Variants in USP7 observed in about 807,000 individuals in gnomAD.
The protein encoded by USP7 is ubiquitin specific peptidase 7, also known as ubiquitin C-terminal hydrolase 7.
Under a neutral mutation model 162.9 loss-of-function variants are expected in USP7, and 9 were observed. The observed-to-expected ratio is 0.06, with a 90% CI of 0.03 to 0.10. The LOEUF (loss-of-function observed/expected upper bound fraction) is 0.10. USP7 is among the 10% of genes least tolerant of loss of function. The pLI is 1.00. For missense variants in USP7, 715 were observed against 1,373.7 expected (o/e 0.52, Z 7.58); for synonymous variants, 562 against 475.9 (o/e 1.18, Z -2.35).
chr16:8,958,457 T>C (rs1899891982), intron 1 of USP7, among the ~76,000 whole-genome samples: 1 of 152,210 alleles, frequency 6.6e-6, no homozygotes, highest in Non-Finnish European at 1.5e-5. Flanking sequence ...ACAGAAGTCC[T>C]GTGGGCAGCA....
In USP7 at chr16:8,935,490, C is replaced by T. The variant is rs1596398881; in HGVS notation, c.80-5093G>A. Among the ~76,000 whole-genome samples the T allele has an allele frequency of 3.3e-5, 5 of 152,318 alleles. No homozygotes were observed. The South Asian group carries it at 1.0e-3, about 32-fold the overall frequency. On this transcript the variant is annotated intron_variant, in intron 1 of 30. Coordinates refer to ENST00000344836, the MANE Select transcript of USP7 (RefSeq NM_003470.3). ...CCTCCCAAAGTGCTGGGATTACAGG[C>T]GTGGGCCACCATGCCCAGGCTATGG...
intron 8 of USP7, among the ~76,000 whole-genome samples, chr16:8,916,270 T>C (rs1051458972): frequency 6.6e-6 from 1 of 152,216 alleles, no homozygotes; most frequent in Non-Finnish European, 1.5e-5. Context: ...AAAAGCCTAC[T>C]GCCTGCTAGT....
chr16:8,909,132 C>CT (rs2061904325), intron 11 of USP7, among the ~76,000 whole-genome samples: 2 of 152,360 alleles, frequency 1.3e-5, no homozygotes, highest in East Asian at 1.9e-4. Flanking sequence ...ACACCGGACT[C>CT]TAAGCTCTTG....
At chr16:8,951,209 ATT>A (rs1444124118) in intron 1 of USP7, among the ~76,000 whole-genome samples, 3 of 1,794 alleles carry the variant, frequency 1.7e-3, no homozygotes, top group South Asian at 0.036. Flanking sequence ...CAAACTAAAT[ATT>A]GTTTCCAAAG....
intron 10 of USP7, among the ~76,000 whole-genome samples, chr16:8,912,187 C>T (rs1040082409): frequency 5.3e-5 from 8 of 152,198 alleles, no homozygotes; most frequent in African/African-American, 1.9e-4. Flanking sequence ...CTCAGTGGCT[C>T]ACGCCTGTAA....
intron 1 of USP7, among the ~76,000 whole-genome samples, chr16:8,955,469 T>C (rs899855614): frequency 6.6e-6 from 1 of 150,906 alleles, no homozygotes; most frequent in Non-Finnish European, 1.5e-5. Context: ...ACACCTGTAA[T>C]CCCAGCACTT....
At chr16:8,897,267 A>G in intron 25 of USP7, 168 bp from the exon 26 acceptor site, 1 of 612,010 alleles carries the variant, frequency 1.6e-6, no homozygotes, top group Non-Finnish European at 2.9e-6. Context: ...ATTCACTCAC[A>G]GTGAGGACAC....
chr16:8,901,959 T>G (rs900500896), intron 18 of USP7, 123 bp downstream of exon 18: 1 of 817,526 alleles, frequency 1.2e-6, no homozygotes. Flanking sequence ...AGTGAGCTTT[T>G]GTGGAATTGA....
At chr16:8,905,469 C>A (rs2061845324) in intron 13 of USP7, 138 bp from the exon 14 acceptor site, 3 of 1,051,176 alleles carry the variant, frequency 2.9e-6, no homozygotes, top group Non-Finnish European at 2.8e-6. Context: ...TGTTCTTATA[C>A]AGGCACACAA....
chr16:8,928,523 C>A (rs1462252991), intron 2 of USP7, among the ~76,000 whole-genome samples: 1 of 152,210 alleles, frequency 6.6e-6, no homozygotes, highest in Non-Finnish European at 1.5e-5. Flanking sequence ...ACACACTTAT[C>A]CCCTGAAGAA....
intron 2 of USP7, among the ~76,000 whole-genome samples, 164 bp from the exon 3 acceptor site, chr16:8,923,577 A>G (rs535171829): frequency 5.9e-5 from 9 of 152,356 alleles, no homozygotes; most frequent in Non-Finnish European, 1.0e-4. Flanking sequence ...GACTGAGATA[A>G]CATACAGTTT....
Position 8,894,161 on chromosome 16 carries a change from C to A in USP7, c.3203-57G>T, listed in dbSNP as rs142036589. ...ACAGAGCAGCCCTGGAACCCCTCAG[C>A]GGGGTGGTGGCCAGTGAGGCATGCA... On this transcript the variant is annotated intron_variant, in intron 30 of 30. Coordinates refer to ENST00000344836, the MANE Select transcript of USP7 (RefSeq NM_003470.3). 5.3e-6 allele frequency: 8 copies of A among 1,522,250 alleles called. No individual in the cohort carries two copies. In the African/African-American group the frequency reaches 5.5e-5, roughly 10 times the overall value. 94.3% of individuals were successfully genotyped at this position (1,522,250 alleles called of 1,614,324 possible). A position where few individuals can be genotyped will look rare whatever the true frequency, so the allele number is the denominator to read the frequency against.
At chr16:8,917,303 A>C (rs576136671) in intron 6 of USP7, 147 bp from the exon 7 acceptor site, 2 of 939,954 alleles carry the variant, frequency 2.1e-6, no homozygotes, top group Admixed American at 3.4e-5. Context: ...ACGATCCCCA[A>C]ATTGGTGAGA....
intron 26 of USP7, 106 bp downstream of exon 26, chr16:8,896,893 C>T (rs773730186): frequency 3.0e-5 from 25 of 845,258 alleles, no homozygotes; most frequent in Admixed American, 7.2e-5. Context: ...CTGGGAATGA[C>T]GCGCATGGAT....
rs112471677 is a variant in USP7, at chr16:8,910,678, C to T, written c.1161+67G>A. ...AAGGCACAAGCAAATTTTTATTTAG[C>T]AATTAAAAGAATTGAAAATAAAGAA... On this transcript the variant is annotated intron_variant, in intron 11 of 30. Transcript: ENST00000344836. 2.8e-4 allele frequency: 389 copies of T among 1,411,392 alleles called. 2 individuals are homozygous for T. In the African/African-American group the frequency reaches 4.7e-3, roughly 17 times the overall value. The allele number at this position is 1,411,392 out of a possible 1,614,324, so 87.4% of individuals were successfully genotyped here.
chr16:8,936,831 C>G, intron 1 of USP7: 7 of 1,054,902 alleles, frequency 6.6e-6, no homozygotes, highest in Non-Finnish European at 8.4e-6. Flanking sequence ...AATGGAAAAA[C>G]TGGTGAAACT....
At chr16:8,909,765 A>C (rs150334425) in intron 11 of USP7, among the ~76,000 whole-genome samples, 2,675 of 152,174 alleles carry the variant, frequency 0.018, 91 homozygotes, top group African/African-American at 0.062. Flanking sequence ...ATCTCTACTA[A>C]AAATACAAAA....
At chr16:8,935,201 ATTT>A (rs35380091) in intron 1 of USP7, among the ~76,000 whole-genome samples, 18 of 136,390 alleles carry the variant, frequency 1.3e-4, no homozygotes, top group African/African-American at 3.8e-4. Flanking sequence ...TAAGGCACTA[ATTT>A]TTTTTTTTTT....
At chr16:8,955,704 CAAA>C (rs58029349) in intron 1 of USP7, among the ~76,000 whole-genome samples, 5 of 100,972 alleles carry the variant, frequency 5.0e-5, no homozygotes, top group Non-Finnish European at 7.8e-5. Flanking sequence ...GATTCCATCT[CAAA>C]AAAAAAAAAA....
Sources: gnomAD v4.1 joint callset for allele counts (sites outside exome capture counted in the v4.1 genomes callset) on GRCh38, gnomAD v4.1.1 for gene constraint, MANE v1.5 for transcripts, NCBI Gene and HGNC (gene_info 2026-07-23, HGNC 2026-07-21) for gene names.